Variants in OTOGL observed in about 807,000 individuals in gnomAD.
The protein encoded by OTOGL is otogelin-like protein.
Under a neutral mutation model 318.5 loss-of-function variants are expected in OTOGL, and 285 were observed. That is an observed-to-expected ratio of 0.89 (90% CI 0.81 to 0.99). The LOEUF is 0.99. OTOGL is among the 50% of genes least tolerant of loss of function. The probability of loss-of-function intolerance (pLI) is 0.00; values close to 1 mark genes in which losing one functional copy is unlikely to be tolerated. For missense variants in OTOGL, 2,899 were observed against 2,845.6 expected (o/e 1.02, Z -0.43); for synonymous variants, 987 against 936.5 (o/e 1.05, Z -0.99).
chr12:80,230,091 T>G (rs955224198), intron 8 of OTOGL, among the ~76,000 whole-genome samples: 4 of 152,190 alleles, frequency 2.6e-5, no homozygotes, highest in African/African-American at 9.6e-5. Context: ...ATTTCCTGGC[T>G]GGATTATGCC....
At chr12:80,159,330 G>A (rs1212954389) in intron 1 of OTOGL, among the ~76,000 whole-genome samples, 2 of 152,166 alleles carry the variant, frequency 1.3e-5, no homozygotes, top group South Asian at 2.1e-4. Context: ...TTAGATATTA[G>A]AGTGATACTG....
At chr12:80,345,498 A>G (rs1301155212) in intron 44 of OTOGL, among the ~76,000 whole-genome samples, 1 of 151,796 alleles carries the variant, frequency 6.6e-6, no homozygotes, top group African/African-American at 2.4e-5. Flanking sequence ...TGGCCTCCCA[A>G]AGTGTTGGGA....
chr12:80,108,872 G>GTATATATGTGTA (rs1387522915), intron 1 of OTOGL, among the ~76,000 whole-genome samples: 36 of 135,170 alleles, frequency 2.7e-4, no homozygotes, highest in East Asian at 1.0e-3. Context: ...ATATATATGT[G>GTATATATGTGTA]TATATATGTG....
intron 1 of OTOGL, among the ~76,000 whole-genome samples, chr12:80,129,606 C>G (rs1871109758): frequency 1.3e-5 from 2 of 152,094 alleles, no homozygotes; most frequent in African/African-American, 4.8e-5. Context: ...GAATCACTAT[C>G]TCATTTTTTT....
intron 52 of OTOGL, among the ~76,000 whole-genome samples, chr12:80,364,235 A>G (rs1023753916): frequency 6.6e-6 from 1 of 152,134 alleles, no homozygotes; most frequent in Non-Finnish European, 1.5e-5. Flanking sequence ...GGCTTTACAC[A>G]AGCATTTATC....
In OTOGL at chr12:80,323,840, CGTAA is replaced by C. The variant is rs1887509535; in HGVS notation, c.4199+5_4199+8del. 1.3e-6 allele frequency: 2 copies of C among 1,597,236 alleles called. No homozygotes were observed. The highest frequency in any genetic ancestry group is 3.3e-5 in the Admixed American group (2 of 59,878). ...GCACTAGCATGTAAATTTCTTCCAC[CGTAA>C]GTAACGTTTACCAATAAGTGATCAA... On this transcript the variant is annotated splice_donor_variant and splice_donor_region_variant and intron_variant, in intron 35 of 58. Transcript: ENST00000547103. LOFTEE classifies it high-confidence loss of function.
chr12:80,358,796 A>T, intron 51 of OTOGL, 21 bp downstream of exon 51: 1 of 1,581,400 alleles, frequency 6.3e-7, no homozygotes, highest in Non-Finnish European at 8.6e-7. Flanking sequence ...TTCATATTTT[A>T]AGGTTTCATT....
chr12:80,365,933 G>T (rs1242604169), intron 52 of OTOGL, among the ~76,000 whole-genome samples: 1 of 152,132 alleles, frequency 6.6e-6, no homozygotes, highest in Non-Finnish European at 1.5e-5. Context: ...AAGAATCTTT[G>T]TCAGTCCTGA....
intron 58 of OTOGL, 21 bp from the exon 59 acceptor site, chr12:80,377,827 T>C: frequency 6.4e-7 from 1 of 1,565,506 alleles, no homozygotes; most frequent in Non-Finnish European, 8.7e-7. Context: ...AGACTTTTTT[T>C]CTCATTGTCA....
chr12:80,145,773 C>T (rs1872311088), intron 1 of OTOGL, among the ~76,000 whole-genome samples: 1 of 151,992 alleles, frequency 6.6e-6, no homozygotes, highest in South Asian at 2.1e-4. Flanking sequence ...AAGTCCTTCA[C>T]ATCCTTTGTA....
At chr12:80,117,507 G>A (rs571565041) in intron 1 of OTOGL, among the ~76,000 whole-genome samples, 76 of 152,180 alleles carry the variant, frequency 5.0e-4, no homozygotes, top group Non-Finnish European at 7.5e-4. Context: ...TTACCATCAC[G>A]TTAACTCAGG....
At chr12:80,283,990 A>C (rs535302741) in intron 26 of OTOGL, among the ~76,000 whole-genome samples, 2 of 151,220 alleles carry the variant, frequency 1.3e-5, no homozygotes, top group Non-Finnish European at 3.0e-5. Context: ...TAATCCCCCC[A>C]CACATTAGGT....
In OTOGL at chr12:80,339,270, C is replaced by A. The variant is rs376537606; in HGVS notation, c.5050+6C>A. ...CTACACAGAAGGACTCTGTGGTGAG[C>A]GCTGCCCTTCAAATCTTGATTTCGT... On this transcript the variant is annotated splice_donor_region_variant and intron_variant, in intron 43 of 58. Transcript: ENST00000547103. 1.5e-6 allele frequency: 2 copies of A among 1,355,812 alleles called. No homozygotes were observed. Among genetic ancestry groups the A allele is most frequent in the South Asian group, 1.3e-5 (1 of 75,816 alleles). The allele number at this position is 1,355,812 out of a possible 1,614,324, so 84.0% of individuals were successfully genotyped here.
intron 22 of OTOGL, among the ~76,000 whole-genome samples, chr12:80,268,188 A>G (rs7953590): frequency 0.062 from 9,478 of 152,204 alleles, 945 homozygotes; most frequent in African/African-American, 0.22. Context: ...CCCCATAGGT[A>G]CCAACAGATA....
intron 26 of OTOGL, among the ~76,000 whole-genome samples, chr12:80,289,331 G>A (rs944641123): frequency 1.3e-5 from 2 of 152,134 alleles, no homozygotes; most frequent in African/African-American, 4.8e-5. Context: ...AGTGTCTGTC[G>A]ACCCCTACTA....
Position 80,380,072 on chromosome 12 carries a change from A to G in OTOGL, c.*2024A>G, listed in dbSNP as rs1891376849. 2.0e-5 allele frequency: 3 copies of G among 152,186 alleles called. No homozygotes were observed. In the South Asian group the frequency reaches 6.2e-4, roughly 32 times the overall value. 9.4% of individuals were successfully genotyped at this position (152,186 alleles called of 1,614,324 possible). A position where few individuals can be genotyped will look rare whatever the true frequency, so the allele number is the denominator to read the frequency against. On this transcript the variant is annotated 3_prime_UTR_variant, in exon 59 of 59. Coordinates refer to ENST00000547103, the MANE Select transcript of OTOGL (RefSeq NM_001378609.3). ...TAATAAATGGTGTTGGGACAACTGA[A>G]TGGTTACGTAGATAAAGAAAAATTT...
chr12:80,372,300 T>G (rs1890925049), intron 57 of OTOGL, among the ~76,000 whole-genome samples: 1 of 152,156 alleles, frequency 6.6e-6, no homozygotes, highest in Admixed American at 6.5e-5. Context: ...AGTCTTTAAC[T>G]TCTGGAGTGT....
At chr12:80,307,440 A>ACC (rs546362060) in intron 29 of OTOGL, among the ~76,000 whole-genome samples, 9 of 131,424 alleles carry the variant, frequency 6.8e-5, no homozygotes, top group South Asian at 2.5e-4. Flanking sequence ...CGGGGGGCTG[A>ACC]CCCCCCCCAC....
rs778755399 is a variant in OTOGL, at chr12:80,314,306, A to C, written c.3609A>C (p.Ser1203=). Residue 1203 remains serine, a splice_region_variant and synonymous_variant, in exon 32 of 59, where the codon TCA becomes TCC. Coordinates refer to ENST00000547103, the MANE Select transcript of OTOGL (RefSeq NM_001378609.3). The part of the protein sequence containing the change: ...SIHWRSSTVC[S]LDCEYYNEGL... ...ATATTTATTCTTTTTTTCTTTTAGCACTTGATTGTGAATACTACAATGAAG... is the reference window on the plus strand; with the variant it reads ...ATATTTATTCTTTTTTTCTTTTAGCCCTTGATTGTGAATACTACAATGAAG... 1 of 1,048,890 alleles carries C rather than the reference A, an allele frequency of 9.5e-7. No individual in the cohort carries two copies. Among genetic ancestry groups the C allele is most frequent in the Non-Finnish European group, 1.3e-6 (1 of 786,290 alleles). The allele number at this position is 1,048,890 out of a possible 1,614,324, so 65.0% of individuals were successfully genotyped here. A position where few individuals can be genotyped will look rare whatever the true frequency, so the allele number is the denominator to read the frequency against.
Sources: allele counts gnomAD v4.1 joint callset (sites outside exome capture counted in the v4.1 genomes callset), GRCh38; gene constraint gnomAD v4.1.1; transcripts MANE v1.5; gene names NCBI Gene and HGNC (gene_info 2026-07-23, HGNC 2026-07-21).